GPX7: variants seen among roughly 807,000 people sequenced by gnomAD.
GPX7 encodes the protein protein peroxidase GPX7.
Under a neutral mutation model 23.7 loss-of-function variants are expected in GPX7, and 21 were observed. That is an observed-to-expected ratio of 0.89 (90% CI 0.63 to 1.28). GPX7 has a LOEUF of 1.28. Ranked by LOEUF, GPX7 falls within the 50% of genes most tolerant of loss-of-function variation. The pLI is 0.00. For synonymous variants in GPX7, 112 were observed against 101.8 expected (o/e 1.10, Z -0.61); for missense variants, 238 against 237.3 (o/e 1.00, Z -0.02).
intron 2 of GPX7, chr1:52,607,345 A>G (rs760735716): frequency 3.2e-4 from 62 of 195,112 alleles, no homozygotes; most frequent in Admixed American, 1.1e-4. Context: ...AAAGCTGACC[A>G]AGATAGTAGA....
chr1:52,605,091 A>G (rs1191134149), intron 1 of GPX7, among the ~76,000 whole-genome samples: 1 of 147,742 alleles, frequency 6.8e-6, no homozygotes, highest in Non-Finnish European at 1.5e-5. Context: ...CTCATTGCCC[A>G]GGGATCCAGC....
chr1:52,606,089 T>TTTGTGTGCACACTTACTCA (rs1553249642), intron 1 of GPX7, among the ~76,000 whole-genome samples: 1 of 152,226 alleles, frequency 6.6e-6, no homozygotes, highest in Non-Finnish European at 1.5e-5. Context: ...GGCGTTTGTG[T>TTTGTGTGCACACTTACTCA]TTGTGTGCAC....
At chr1:52,603,686 T>G (rs1337873759) in intron 1 of GPX7, among the ~76,000 whole-genome samples, 2 of 152,224 alleles carry the variant, frequency 1.3e-5, no homozygotes, top group Non-Finnish European at 1.5e-5. Flanking sequence ...TGAAGACCAG[T>G]ACTCTATAAG....
chr1:52,608,264 A>G lies in GPX7; in HGVS notation c.403A>G (p.Thr135Ala), dbSNP rs1384866427. Residue 135 changes from threonine (T) to alanine (A), a missense_variant and splice_region_variant, in exon 3 of 3, where the codon ACT (threonine) becomes GCT (alanine). Thr to Ala is a moderately conservative substitution (Grantham distance 58). Transcript: ENST00000361314. Reference protein sequence around the residue: ...AHPAFKYLAQTSGKEPTWNFW... With the variant: ...AHPAFKYLAQASGKEPTWNFW... ...TGCTCTCCTTCCTTTTTCTCTAGAG[A>G]CTTCTGGGAAGGAGCCCACCTGGAA... is the stretch of plus-strand genomic sequence containing the variant. 2 of 1,607,360 alleles carry G rather than the reference A, an allele frequency of 1.2e-6. No homozygotes were observed. The highest frequency in any genetic ancestry group is 3.4e-5 in the Admixed American group (2 of 58,030).
In GPX7 at chr1:52,606,786, G is replaced by A. The variant is rs140772221; in HGVS notation, c.241G>A (p.Val81Met). 3.1e-5 allele frequency: 50 copies of A among 1,614,044 alleles called. 1 individual carries two copies. Among genetic ancestry groups the A allele is most frequent in the Admixed American group, 6.7e-5 (4 of 60,010 alleles). ...AGACCTGGGCCCCCACCACTTTAAC[G>A]TGCTCGCCTTCCCCTGCAACCAGTT... ...QRDLGPHHFN[V>M]LAFPCNQFGQ... The change falls in exon 2 of 3, where the codon GTG (valine) becomes ATG (methionine). Residue 81 changes from valine (V) to methionine (M), a missense_variant. By Grantham distance (21) the Val-to-Met change is conservative. Transcript: ENST00000361314.
rs1328968805 is a variant in GPX7 at position 52,602,514 on chromosome 1, C to T, written c.105C>T (p.Gly35=). 1.3e-6 allele frequency: 2 copies of T among 1,564,784 alleles called. No individual in the cohort carries two copies. The highest frequency in any genetic ancestry group is 2.6e-5 in the East Asian group (1 of 38,214). Residue 35 remains glycine (G), a synonymous_variant, in exon 1 of 3, where the codon GGC becomes GGT. Coordinates refer to ENST00000361314, the MANE Select transcript of GPX7 (RefSeq NM_015696.5). ...ACTTCAAGGCGGTCAACATCCGGGGCAAACTGGTGTCGCTGGAGAAGTACC... is the reference window on the plus strand; with the variant it reads ...ACTTCAAGGCGGTCAACATCCGGGGTAAACTGGTGTCGCTGGAGAAGTACC... The part of the protein sequence containing the change: ...FYDFKAVNIR[G]KLVSLEKYRG...
At chr1:52,605,918 A>G (rs1212056395) in intron 1 of GPX7, among the ~76,000 whole-genome samples, 2 of 152,160 alleles carry the variant, frequency 1.3e-5, no homozygotes, top group South Asian at 2.1e-4. Flanking sequence ...TGAGACTGCA[A>G]ACGGTTGGGG....
Position 52,608,583 on chromosome 1 carries a change from A to G in GPX7, c.*158A>G. 2.0e-6 allele frequency: 1 copy of G among 504,290 alleles called. No homozygotes were observed. The highest frequency in any genetic ancestry group is 3.6e-5 in the East Asian group (1 of 27,818). The allele number at this position is 504,290 out of a possible 1,614,324, so 31.2% of individuals were successfully genotyped here. A position where few individuals can be genotyped will look rare whatever the true frequency, so the allele number is the denominator to read the frequency against. ...ATTCTTGTGGGGGAAAAATTCTAGT[A>G]TTTTGATTATTTGAATCTTACAGCA... On this transcript the variant is annotated 3_prime_UTR_variant, in exon 3 of 3. Transcript: ENST00000361314.
intron 1 of GPX7, among the ~76,000 whole-genome samples, chr1:52,603,894 G>C (rs34349442): frequency 1.3e-5 from 2 of 152,104 alleles, no homozygotes; most frequent in Admixed American, 6.5e-5. Flanking sequence ...AACAGGGCCC[G>C]CTCCAATTCA....
chr1:52,606,541 T>C lies in GPX7; in HGVS notation c.139-143T>C, dbSNP rs1690854104. 18 of 837,246 alleles carry C rather than the reference T, an allele frequency of 2.1e-5. No homozygotes were observed. In the South Asian group the frequency reaches 3.1e-4, roughly 15 times the overall value. The allele number at this position is 837,246 out of a possible 1,614,324, so 51.9% of individuals were successfully genotyped here. ...TGAGAGCACTGGACACACATTTACA[T>C]ATGTGTACACAGTGTTCTTGTATGT... is the stretch of plus-strand genomic sequence containing the variant. On this transcript the variant is annotated intron_variant, in intron 1 of 2. Transcript: ENST00000361314.
rs780659875 is a variant in GPX7 at position 52,606,908 on chromosome 1, C to T, written c.363C>T (p.Thr121=). 9.9e-6 allele frequency: 16 copies of T among 1,614,082 alleles called. No homozygotes were observed. The East Asian group carries it at 1.6e-4, about 16-fold the overall frequency. Reference sequence around the variant, plus strand: ...CCATGTTTAGCAAGATTGCAGTCACCGGTACTGGTGCCCATCCTGCCTTCA... The same window carrying T: ...CCATGTTTAGCAAGATTGCAGTCACTGGTACTGGTGCCCATCCTGCCTTCA... ...SFPMFSKIAV[T]GTGAHPAFKY... is the part of the protein sequence containing the mutation. Residue 121 remains threonine, a synonymous_variant, in exon 2 of 3, where the codon ACC becomes ACT. Coordinates refer to ENST00000361314, the MANE Select transcript of GPX7 (RefSeq NM_015696.5).
chr1:52,605,124 C>G (rs998621203), intron 1 of GPX7, among the ~76,000 whole-genome samples: 4 of 150,878 alleles, frequency 2.7e-5, no homozygotes, highest in Non-Finnish European at 4.4e-5. Flanking sequence ...AGGAAGAACC[C>G]TAACTGAGGA....
intron 1 of GPX7, among the ~76,000 whole-genome samples, chr1:52,604,424 A>G (rs939951151): frequency 4.6e-5 from 7 of 152,234 alleles, no homozygotes; most frequent in Non-Finnish European, 8.8e-5. Context: ...TGACATAGTC[A>G]TGAGCAAGAT....
In GPX7 at chr1:52,608,240, GCTCTC is replaced by G; in HGVS notation, c.401-19_401-15del. The G allele has an allele frequency of 6.3e-7, 1 of 1,598,322 alleles. No homozygotes were observed. The highest frequency in any genetic ancestry group is 8.5e-7 in the Non-Finnish European group (1 of 1,173,282). ...GAGGGTACGCAGGGTAGCACGCTTT[GCTCTC>G]CTTCCTTTTTCTCTAGAGACTTCTG... is the stretch of plus-strand genomic sequence containing the variant. On this transcript the variant is annotated splice_polypyrimidine_tract_variant and intron_variant, in intron 2 of 2. Coordinates refer to ENST00000361314, the MANE Select transcript of GPX7 (RefSeq NM_015696.5).
chr1:52,604,054 CA>C (rs1390444614), intron 1 of GPX7, among the ~76,000 whole-genome samples: 1 of 152,034 alleles, frequency 6.6e-6, no homozygotes, highest in African/African-American at 2.4e-5. Context: ...CAGTGGTGAA[CA>C]AAACAGATAC....
intron 1 of GPX7, among the ~76,000 whole-genome samples, chr1:52,604,550 G>T (rs1019138765): frequency 5.9e-5 from 9 of 152,128 alleles, no homozygotes; most frequent in Non-Finnish European, 1.3e-4. Flanking sequence ...CTTTGTGAAT[G>T]GTTTACTTCT....
chr1:52,608,395 G>A lies in GPX7; in HGVS notation c.534G>A (p.Lys178=), dbSNP rs971659332. 5.6e-6 allele frequency: 9 copies of A among 1,613,284 alleles called. No homozygotes were observed. Among genetic ancestry groups the A allele is most frequent in the East Asian group, 4.5e-5 (2 of 44,846 alleles). Residue 178 remains lysine (K), a synonymous_variant, in exon 3 of 3, where the codon AAG becomes AAA. Transcript: ENST00000361314. ...CCCAGATCACAGCGCTCGTGAGGAA[G>A]CTCATCCTACTGAAGCGAGAAGACT... ...VRPQITALVR[K]LILLKREDL
chr1:52,602,388 G>A lies in GPX7; in HGVS notation c.-22G>A, dbSNP rs1283116031. 1 of 1,449,592 alleles carries A rather than the reference G, an allele frequency of 6.9e-7. No homozygotes were observed. The highest frequency in any genetic ancestry group is 9.1e-7 in the Non-Finnish European group (1 of 1,101,080). 89.8% of individuals were successfully genotyped at this position (1,449,592 alleles called of 1,614,324 possible). ...CCCGCCCCGTCTTTGCCCTCGCGAC[G>A]CCGCCACCTCCGGAACAAGCCATGG... On this transcript the variant is annotated 5_prime_UTR_variant, in exon 1 of 3. Coordinates refer to ENST00000361314, the MANE Select transcript of GPX7 (RefSeq NM_015696.5).
chr1:52,604,063 T>C (rs1019232713), intron 1 of GPX7, among the ~76,000 whole-genome samples: 4 of 152,142 alleles, frequency 2.6e-5, no homozygotes, highest in African/African-American at 4.8e-5. Context: ...ACAAAACAGA[T>C]ACATTTCCAC....
Sources: allele counts gnomAD v4.1 joint callset (sites outside exome capture counted in the v4.1 genomes callset), GRCh38; gene constraint gnomAD v4.1.1; transcripts MANE v1.5; gene names NCBI Gene and HGNC (gene_info 2026-07-23, HGNC 2026-07-21).